The following MBD5 variants were observed in gnomAD, a reference collection of about 807,000 sequenced individuals.
The protein encoded by MBD5 is methyl-CpG-binding domain protein 5.
In MBD5, 13 loss-of-function variants were observed where a neutral mutation model predicts 117.3. The ratio of observed to expected loss-of-function variants is 0.11; its 90% CI spans 0.07 to 0.18. The LOEUF (loss-of-function observed/expected upper bound fraction) is 0.18, where lower values mean the gene tolerates loss of function less well. Ranked by LOEUF, MBD5 falls within the 10% of genes least tolerant of loss-of-function variation. The pLI, the probability that MBD5 is intolerant of heterozygous loss-of-function variation, is 1.00. For missense variants in MBD5, 1,879 were observed against 2,093.8 expected, an observed-to-expected ratio of 0.90 and a Z score of 2.00; for synonymous variants, 727 against 766.4, an observed-to-expected ratio of 0.95 and a Z score of 0.85.
intron 2 of MBD5, among the ~76,000 whole-genome samples, chr2:148,200,906 C>CT (rs1558969858): frequency 6.6e-6 from 1 of 152,170 alleles, no homozygotes. Flanking sequence ...TGCTTTAAAA[C>CT]TTTTTTTAAA....
At chr2:148,418,371 A>G (rs1277823862) in intron 4 of MBD5, among the ~76,000 whole-genome samples, 1 of 152,128 alleles carries the variant, frequency 6.6e-6, no homozygotes, top group African/African-American at 2.4e-5. Flanking sequence ...TTTGCCAGAG[A>G]AATCAAGAAA....
chr2:148,110,286 T>C (rs905459300), intron 1 of MBD5, among the ~76,000 whole-genome samples: 3 of 152,196 alleles, frequency 2.0e-5, no homozygotes, highest in Non-Finnish European at 4.4e-5. Flanking sequence ...GTTTGTCTTA[T>C]TGTTTCTTGA....
At chr2:148,431,417 T>C (rs2105338709) in intron 4 of MBD5, among the ~76,000 whole-genome samples, 1 of 152,228 alleles carries the variant, frequency 6.6e-6, no homozygotes, top group Non-Finnish European at 1.5e-5. Flanking sequence ...AGGTTTGGTG[T>C]ACACGTGCAG....
intron 4 of MBD5, among the ~76,000 whole-genome samples, chr2:148,378,111 C>T (rs902353328): frequency 6.6e-6 from 1 of 152,080 alleles, no homozygotes; most frequent in Non-Finnish European, 1.5e-5. Context: ...GTAGATAAGC[C>T]ATATGAATTG....
chr2:148,284,802 A>G (rs1278936596), intron 3 of MBD5, among the ~76,000 whole-genome samples: 6 of 152,172 alleles, frequency 3.9e-5, no homozygotes, highest in African/African-American at 1.2e-4. Flanking sequence ...CAATTTTAAT[A>G]TATACATAGA....
intron 8 of MBD5, among the ~76,000 whole-genome samples, chr2:148,477,936 A>G (rs994414076): frequency 6.6e-6 from 1 of 152,156 alleles, no homozygotes; most frequent in Non-Finnish European, 1.5e-5. Context: ...AGCTAAACAA[A>G]ATGGTATAAG....
At position 148,433,628 on chromosome 2, in the gene MBD5, T is replaced by A. The variant is rs1197810179; in HGVS notation, c.-556-24575T>A. 2.0e-5 allele frequency among the ~76,000 whole-genome samples: 3 copies of A among 152,178 alleles called. No homozygotes were observed. In the East Asian group the frequency reaches 5.8e-4, roughly 29 times the overall value. ...ATGATCATGTAATTTTTGTATTTAGTTCTGTTTATGTGATGACTCACATTT... is the reference window on the plus strand; with the variant it reads ...ATGATCATGTAATTTTTGTATTTAGATCTGTTTATGTGATGACTCACATTT... On this transcript the variant is annotated intron_variant, in intron 4 of 13. Transcript: ENST00000642680.
chr2:148,383,102 T>G (rs993256306), intron 4 of MBD5, among the ~76,000 whole-genome samples: 1 of 151,650 alleles, frequency 6.6e-6, no homozygotes, highest in African/African-American at 2.4e-5. Flanking sequence ...AAATAACTAA[T>G]ATCAGAGCAG....
Position 148,468,880 on chromosome 2 carries a change from C to T in MBD5, c.937C>T (p.Pro313Ser), listed in dbSNP as rs747498211. ...TACAAAGAGTCCAGTAATGAAAAAACCAATGTGTAATTTTTCAACTAATAT... is the reference window on the plus strand; with the variant it reads ...TACAAAGAGTCCAGTAATGAAAAAATCAATGTGTAATTTTTCAACTAATAT... ...LTTKSPVMKK[P>S]MCNFSTNMEI... The change falls in exon 8 of 14, where the codon CCA becomes TCA. Residue 313 changes from proline to serine, a missense_variant. Pro to Ser is a moderately conservative substitution (Grantham distance 74, BLOSUM62 -1). Coordinates refer to ENST00000642680, the MANE Select transcript of MBD5 (RefSeq NM_001378120.1). The T allele has an allele frequency of 1.2e-6, 2 of 1,613,910 alleles. No individual in the cohort carries two copies. The highest frequency in any genetic ancestry group is 2.2e-5 in the East Asian group (1 of 44,846).
At chr2:148,310,837 T>A (rs1159484268) in intron 3 of MBD5, among the ~76,000 whole-genome samples, 5 of 152,228 alleles carry the variant, frequency 3.3e-5, no homozygotes, top group Admixed American at 3.3e-4. Context: ...GAGATTCTGG[T>A]ACATTGTGTT....
Position 148,469,320 on chromosome 2 carries a change from A to G in MBD5, c.1377A>G (p.Arg459=), listed in dbSNP as rs762047019. The G allele has an allele frequency of 3.7e-6, 6 of 1,613,742 alleles. No individual in the cohort carries two copies. In the Admixed American group the frequency reaches 6.7e-5, roughly 18 times the overall value. The change falls in exon 8 of 14, where the codon AGA becomes AGG. Residue 459 remains arginine, a synonymous_variant. Coordinates refer to ENST00000642680, the MANE Select transcript of MBD5 (RefSeq NM_001378120.1). ...GIGRIEASPQ[R]SRSSSTSSDH... ...GAAGGATTGAGGCATCGCCCCAAAG[A>G]TCACGCTCATCTTCCACATCATCAG...
chr2:148,294,502 T>TTTTTTTTTTTTTGTTTTGTTTTTTTTG (rs1559009495), intron 3 of MBD5, among the ~76,000 whole-genome samples: 2 of 13,534 alleles, frequency 1.5e-4, no homozygotes, highest in South Asian at 0.012. Context: ...GGGATTACAG[T>TTTTTTTTTTTTTGTTTTGTTTTTTTTG]TTTTTTTTTT....
chr2:148,031,069 A>G (rs1337684866), intron 1 of MBD5, among the ~76,000 whole-genome samples: 2 of 152,210 alleles, frequency 1.3e-5, no homozygotes, highest in African/African-American at 4.8e-5. Context: ...TCAATCTGAG[A>G]TAAGATATAA....
Position 148,153,421 on chromosome 2 carries a change from G to C in MBD5, c.-924-25279G>C, listed in dbSNP as rs550144981. On this transcript the variant is annotated intron_variant, in intron 1 of 13. Transcript: ENST00000642680. ...GTGAATCTGACAATTATGTGTCTTG[G>C]AGTTGCTCTTCTCGAGGAGTATCTT... Among the ~76,000 whole-genome samples, 32 of 145,182 alleles carry C rather than the reference G, an allele frequency of 2.2e-4. 1 individual carries two copies. In the East Asian group the frequency reaches 6.4e-3, roughly 29 times the overall value.
At chr2:148,421,463 A>G (rs1705604610) in intron 4 of MBD5, among the ~76,000 whole-genome samples, 1 of 152,044 alleles carries the variant, frequency 6.6e-6, no homozygotes, top group East Asian at 1.9e-4. Flanking sequence ...GCCTACGCCA[A>G]CAGGGTTCTG....
At chr2:148,380,964 A>C (rs1704124302) in intron 4 of MBD5, among the ~76,000 whole-genome samples, 1 of 152,178 alleles carries the variant, frequency 6.6e-6, no homozygotes, top group African/African-American at 2.4e-5. Flanking sequence ...CCAAAAACCC[A>C]TCTGTACGTC....
At chr2:148,083,913 AC>A (rs1215479766) in intron 1 of MBD5, among the ~76,000 whole-genome samples, 1 of 152,206 alleles carries the variant, frequency 6.6e-6, no homozygotes, top group Non-Finnish European at 1.5e-5. Context: ...GGCATGAGCC[AC>A]TGCACCTGGC....
At chr2:148,411,621 T>A (rs1705252668) in intron 4 of MBD5, among the ~76,000 whole-genome samples, 1 of 150,332 alleles carries the variant, frequency 6.7e-6, no homozygotes, top group Admixed American at 6.7e-5. Context: ...ATGTTAAGCA[T>A]TTTTTAATGC....
intron 4 of MBD5, among the ~76,000 whole-genome samples, chr2:148,343,540 T>A (rs1448043519): frequency 6.6e-6 from 1 of 152,112 alleles, no homozygotes; most frequent in Non-Finnish European, 1.5e-5. Flanking sequence ...AATAAGCACT[T>A]TTTCTTATGT....
Sources: gnomAD v4.1 joint callset for allele counts (sites outside exome capture counted in the v4.1 genomes callset) on GRCh38, gnomAD v4.1.1 for gene constraint, MANE v1.5 for transcripts, NCBI Gene and HGNC (gene_info 2026-07-23, HGNC 2026-07-21) for gene names.